H6PD: variants seen among roughly 807,000 people sequenced by gnomAD.
H6PD encodes GDH/6PGL endoplasmic bifunctional protein.
Under a neutral mutation model 61.2 loss-of-function variants are expected in H6PD, and 48 were observed. The ratio of observed to expected loss-of-function variants is 0.78; its 90% confidence interval spans 0.62 to 1.00. The LOEUF (loss-of-function observed/expected upper bound fraction) is 1.00. H6PD is among the 50% of genes least tolerant of loss of function. The pLI is 0.00. For missense variants in H6PD, 1,093 were observed against 1,065.0 expected (o/e 1.03, Z -0.37); for synonymous variants, 480 against 457.9 (o/e 1.05, Z -0.62).
chr1:9,261,658 C>T (rs558659828), intron 3 of H6PD, among the ~76,000 whole-genome samples: 2 of 152,348 alleles, frequency 1.3e-5, no homozygotes, highest in Non-Finnish European at 2.9e-5. Flanking sequence ...CAGTCATACT[C>T]TGGGGTGCTG....
In H6PD at chr1:9,265,031, C is replaced by G. The variant is rs1292650645; in HGVS notation, c.*162C>G. 1.2e-5 allele frequency: 9 copies of G among 737,148 alleles called. No individual in the cohort carries two copies. Among genetic ancestry groups the G allele is most frequent in the South Asian group, 1.1e-4 (7 of 65,800 alleles). 45.7% of individuals were successfully genotyped at this position (737,148 alleles called of 1,614,324 possible). On this transcript the variant is annotated 3_prime_UTR_variant, in exon 5 of 5. Coordinates refer to ENST00000377403, the MANE Select transcript of H6PD (RefSeq NM_004285.4). ...GGCAGGACAAGCCTTGTCCCGATGCCTTTGACCGGCAGCTCTGTGTATTGG... is the reference window on the plus strand; with the variant it reads ...GGCAGGACAAGCCTTGTCCCGATGCGTTTGACCGGCAGCTCTGTGTATTGG...
intron 1 of H6PD, among the ~76,000 whole-genome samples, chr1:9,240,603 G>A (rs946991039): frequency 2.0e-5 from 3 of 152,116 alleles, no homozygotes; most frequent in Non-Finnish European, 2.9e-5. Flanking sequence ...CCACACATTC[G>A]GGTTCCCAGT....
rs919045361 is a variant in H6PD at position 9,267,114 on chromosome 1, C to G, written c.*2245C>G. 1.1e-4 allele frequency: 17 copies of G among 152,560 alleles called. No individual in the cohort carries two copies. The allele number at this position is 152,560 out of a possible 1,614,324, so 9.5% of individuals were successfully genotyped here. On this transcript the variant is annotated 3_prime_UTR_variant, in exon 5 of 5. Coordinates refer to ENST00000377403, the MANE Select transcript of H6PD (RefSeq NM_004285.4). ...GGATTACAGGCGTGAGCCACCGCGC[C>G]CAGCCAGAACATCTGTTTTTACACC...
rs1003901805 is a variant in H6PD, at chr1:9,269,224, AG to A, written c.*4359del. The A allele has an allele frequency of 7.2e-5, 11 of 152,272 alleles. No homozygotes were observed. The highest frequency in any genetic ancestry group is 1.0e-4 in the Non-Finnish European group (7 of 68,102). The allele number at this position is 152,272 out of a possible 1,614,324, so 9.4% of individuals were successfully genotyped here. ...GACATCATAGGCCATGTGACCCACTAGGGGCCGCTTACCCCTGGCCGTCCGC... is the reference window on the plus strand; with the variant it reads ...GACATCATAGGCCATGTGACCCACTAGGGCCGCTTACCCCTGGCCGTCCGC... On this transcript the variant is annotated 3_prime_UTR_variant, in exon 5 of 5. Transcript: ENST00000377403. The surrounding 1 kb of genome is among the most constrained non-coding windows in gnomAD (Gnocchi z 4.3).
Position 9,254,206 on chromosome 1 carries a change from T to G in H6PD, c.745+7123T>G, listed in dbSNP as rs917313187. 1.8e-4 allele frequency among the ~76,000 whole-genome samples: 28 copies of G among 152,024 alleles called. No individual in the cohort carries two copies. The highest frequency in any genetic ancestry group is 6.0e-4 in the African/African-American group (25 of 41,380). The stretch of plus-strand genomic sequence containing the variant: ...CCCATCTCCACTAAAAATACAAAAA[T>G]TATCCAGGCATGGTAGTTTGTGCCT... On this transcript the variant is annotated intron_variant, in intron 3 of 4. Transcript: ENST00000377403. This position sits in a 1 kb window ranked among gnomAD's most constrained non-coding sequence, Gnocchi z 4.6.
rs778097553 is a variant in H6PD at position 9,264,133 on chromosome 1, G to A, written c.1640G>A (p.Arg547Lys). 4.3e-6 allele frequency: 7 copies of A among 1,613,822 alleles called. No individual in the cohort carries two copies. The highest frequency in any genetic ancestry group is 1.7e-4 in the Middle Eastern group (1 of 6,060). ...APMPSDFQVL[R>K]AKYRESPLVS... ...ATGCCCAGTGACTTCCAGGTCCTCA[G>A]GGCCAAGTACCGAGAGAGCCCGCTG... Residue 547 changes from arginine to lysine, a missense_variant, in exon 5 of 5, where the codon AGG (arginine) becomes AAG (lysine). By Grantham distance (26) the Arg-to-Lys change is conservative. Transcript: ENST00000377403.
At chr1:9,244,084 A>G (rs1404977922) in intron 1 of H6PD, among the ~76,000 whole-genome samples, 1 of 152,164 alleles carries the variant, frequency 6.6e-6, no homozygotes, top group Non-Finnish European at 1.5e-5. Flanking sequence ...TGGTTCTTTC[A>G]GGATTCTTGT....
intron 1 of H6PD, among the ~76,000 whole-genome samples, chr1:9,244,530 G>T (rs1449169728): frequency 6.6e-6 from 1 of 152,230 alleles, no homozygotes; most frequent in African/African-American, 2.4e-5. Context: ...ACTATACCTA[G>T]GCTGGGGCTG....
At chr1:9,256,727 TA>T (rs1641530547) in intron 3 of H6PD, among the ~76,000 whole-genome samples, 1 of 152,176 alleles carries the variant, frequency 6.6e-6, no homozygotes, top group Admixed American at 6.5e-5. Flanking sequence ...ATGGAAGAGA[TA>T]CAGAACTATG....
At position 9,254,029 on chromosome 1, in the gene H6PD, A is replaced by C. The variant is rs953956162; in HGVS notation, c.745+6946A>C. ...TGTGAGGTGATGTCAGTTGCTGGAG[A>C]TCACAGGGCTGAAAGATGGCAGAGC... is the stretch of plus-strand genomic sequence containing the variant. On this transcript the variant is annotated intron_variant, in intron 3 of 4. Coordinates refer to ENST00000377403, the MANE Select transcript of H6PD (RefSeq NM_004285.4). The surrounding 1 kb of genome is among the most constrained non-coding windows in gnomAD (Gnocchi z 4.6). 3.9e-5 allele frequency among the ~76,000 whole-genome samples: 6 copies of C among 152,150 alleles called. No homozygotes were observed. The highest frequency in any genetic ancestry group is 1.4e-4 in the African/African-American group (6 of 41,428).
In H6PD at chr1:9,259,710, C is replaced by T. The variant is rs149249316; in HGVS notation, c.746-2349C>T. Among the ~76,000 whole-genome samples the T allele has an allele frequency of 7.5e-3, 1,143 of 151,648 alleles. 9 individuals carry two copies. The highest frequency in any genetic ancestry group is 0.026 in the African/African-American group (1,075 of 41,296). ...CACCGGTGTTATGTTGCTGTTGTTA[C>T]GCCAGTGTTGTTATATTGTTGTTAC... On this transcript the variant is annotated intron_variant, in intron 3 of 4. Transcript: ENST00000377403.
chr1:9,248,493 G>A (rs898267806), intron 3 of H6PD, among the ~76,000 whole-genome samples: 1 of 152,100 alleles, frequency 6.6e-6, no homozygotes, highest in Non-Finnish European at 1.5e-5. Flanking sequence ...CATCACACTG[G>A]CTGGTGGGAC....
chr1:9,264,993 A>C lies in H6PD; in HGVS notation c.*124A>C, dbSNP rs1419853035. On this transcript the variant is annotated 3_prime_UTR_variant, in exon 5 of 5. Coordinates refer to ENST00000377403, the MANE Select transcript of H6PD (RefSeq NM_004285.4). ...CTCCAGAACCTTCTATCCCACAGTCAGGCCCCAGAGAGGGCAGGACAAGCC... is the reference window on the plus strand; with the variant it reads ...CTCCAGAACCTTCTATCCCACAGTCCGGCCCCAGAGAGGGCAGGACAAGCC... The C allele has an allele frequency of 2.9e-6, 3 of 1,037,960 alleles. No homozygotes were observed. The African/African-American group carries it at 4.7e-5, about 16-fold the overall frequency. 64.3% of individuals were successfully genotyped at this position (1,037,960 alleles called of 1,614,324 possible). A position where few individuals can be genotyped will look rare whatever the true frequency, so the allele number is the denominator to read the frequency against.
intron 3 of H6PD, among the ~76,000 whole-genome samples, chr1:9,251,780 C>T (rs1272372857): frequency 6.6e-6 from 1 of 152,126 alleles, no homozygotes; most frequent in African/African-American, 2.4e-5. Flanking sequence ...AGAGAGAGCA[C>T]CAGCAAGCAC....
chr1:9,250,855 G>A (rs563474045), intron 3 of H6PD, among the ~76,000 whole-genome samples: 8 of 152,294 alleles, frequency 5.3e-5, no homozygotes, highest in African/African-American at 1.4e-4. Flanking sequence ...CGGCTTCCCC[G>A]GCTCCCTCCC....
Position 9,270,370 on chromosome 1 carries a change from CCTTCA to C in H6PD, c.*5505_*5509del, listed in dbSNP as rs1466365895. The C allele has an allele frequency of 2.0e-5, 3 of 152,238 alleles. No homozygotes were observed. The highest frequency in any genetic ancestry group is 4.4e-5 in the Non-Finnish European group (3 of 68,040). 9.4% of individuals were successfully genotyped at this position (152,238 alleles called of 1,614,324 possible). A position where few individuals can be genotyped will look rare whatever the true frequency, so the allele number is the denominator to read the frequency against. ...AGACACTACTTGTGTCGCTTTGGGT[CCTTCA>C]CTTTACCCCCACAGAAGTCTAGAGG... On this transcript the variant is annotated 3_prime_UTR_variant, in exon 5 of 5. Coordinates refer to ENST00000377403, the MANE Select transcript of H6PD (RefSeq NM_004285.4).
rs889993682 is a variant in H6PD, at chr1:9,267,396, T to C, written c.*2527T>C. On this transcript the variant is annotated 3_prime_UTR_variant, in exon 5 of 5. Coordinates refer to ENST00000377403, the MANE Select transcript of H6PD (RefSeq NM_004285.4). ...CCCAGGGTACCTGGCCCCAGCACTCTCCCATCTGTTCTTCAGGAACCGACT... is the reference window on the plus strand; with the variant it reads ...CCCAGGGTACCTGGCCCCAGCACTCCCCCATCTGTTCTTCAGGAACCGACT... The C allele has an allele frequency of 1.3e-5, 2 of 152,178 alleles. No homozygotes were observed. Among genetic ancestry groups the C allele is most frequent in the African/African-American group, 4.8e-5 (2 of 41,398 alleles). 9.4% of individuals were successfully genotyped at this position (152,178 alleles called of 1,614,324 possible). A position where few individuals can be genotyped will look rare whatever the true frequency, so the allele number is the denominator to read the frequency against.
rs759193407 is a variant in H6PD at position 9,247,080 on chromosome 1, G to A, written c.742G>A (p.Glu248Lys). The change falls in exon 3 of 5, where the codon GAA becomes AAA. Residue 248 changes from glutamate to lysine, a missense_variant. By Grantham distance (56) the Glu-to-Lys change is moderately conservative. Transcript: ENST00000377403. Reference protein sequence around the residue: ...EIIMKETVDAEGRTSFYEEYG... With the variant: ...EIIMKETVDAKGRTSFYEEYG... ...CATCATGAAAGAGACCGTGGATGCT[G>A]AAGGTGTGTGAGTGGCCCTGCGCAC... 2.5e-6 allele frequency: 4 copies of A among 1,593,452 alleles called. No individual in the cohort carries two copies. Among genetic ancestry groups the A allele is most frequent in the Admixed American group, 3.3e-5 (2 of 59,980 alleles).
intron 1 of H6PD, among the ~76,000 whole-genome samples, chr1:9,237,236 C>CTCTTTTTTT (rs1419535641): frequency 2.4e-4 from 17 of 71,078 alleles, no homozygotes; most frequent in African/African-American, 8.0e-4. Context: ...TTTGACTTCT[C>CTCTTTTTTT]TTTTTTTTTT....
Sources: gnomAD v4.1 joint callset for allele counts (sites outside exome capture counted in the v4.1 genomes callset) on GRCh38, gnomAD v4.1.1 for gene constraint, Gnocchi (gnomAD v3.1) non-coding constraint, MANE v1.5 for transcripts, NCBI Gene and HGNC (gene_info 2026-07-23, HGNC 2026-07-21) for gene names.